CNTN4: variants seen among roughly 807,000 people sequenced by gnomAD.
The protein encoded by CNTN4 is contactin 4, also known as contactin-4.
Under a neutral mutation model 122.5 loss-of-function variants are expected in CNTN4, and 77 were observed. That is an observed-to-expected ratio of 0.63 (90% confidence interval 0.52 to 0.76). CNTN4 has a LOEUF of 0.76. CNTN4 is among the 30% of genes least tolerant of loss of function. CNTN4 has a pLI of 0.00. For missense variants in CNTN4, 1,256 were observed against 1,259.1 expected (o/e 1.00, Z 0.04); for synonymous variants, 512 against 447.0 (o/e 1.15, Z -1.83).
chr3:2,192,234 G>A (rs1382326949), intron 2 of CNTN4, among the ~76,000 whole-genome samples: 3 of 152,038 alleles, frequency 2.0e-5, no homozygotes, highest in Non-Finnish European at 4.4e-5. Flanking sequence ...TATTCCTTTG[G>A]GTGTATACCC....
rs547602375 is a variant in CNTN4 at position 2,413,350 on chromosome 3, A to G, written c.-89+74117A>G. Among the ~76,000 whole-genome samples the G allele has an allele frequency of 8.5e-5, 13 of 152,354 alleles. No homozygotes were observed. In the South Asian group the frequency reaches 2.3e-3, roughly 27 times the overall value. On this transcript the variant is annotated intron_variant, in intron 3 of 24. Transcript: ENST00000418658. The stretch of plus-strand genomic sequence containing the variant: ...CAGAATCCAGATATTACTGCTGTGA[A>G]TAACAAAAGAAAACTCAAATTTCTG...
At chr3:2,183,094 C>A (rs913845968) in intron 2 of CNTN4, among the ~76,000 whole-genome samples, 5 of 152,076 alleles carry the variant, frequency 3.3e-5, no homozygotes, top group Non-Finnish European at 7.4e-5. Flanking sequence ...TTTAGGAAAT[C>A]CTTGGATCTA....
At chr3:2,559,093 A>G (rs2078840657) in intron 3 of CNTN4, among the ~76,000 whole-genome samples, 1 of 152,186 alleles carries the variant, frequency 6.6e-6, no homozygotes, top group African/African-American at 2.4e-5. Context: ...CACTAACTAG[A>G]TGGATAACCA....
chr3:2,151,676 A>C (rs146150952), intron 2 of CNTN4, among the ~76,000 whole-genome samples: 1 of 152,316 alleles, frequency 6.6e-6, no homozygotes, highest in East Asian at 1.9e-4. Flanking sequence ...GGATTCATCC[A>C]CTCATGGATT....
chr3:2,291,411 C>G (rs2042129682), intron 2 of CNTN4, among the ~76,000 whole-genome samples: 2 of 152,158 alleles, frequency 1.3e-5, no homozygotes, highest in South Asian at 2.1e-4. Flanking sequence ...TGCAATTAGA[C>G]TAGCAGAGTC....
rs566710926 is a variant in CNTN4, at chr3:2,312,735, A to G, written c.-144-26443A>G. ...TGAAAAAAATAAACTTTTTTTTCCA[A>G]ATGTTGGAGAAACCAGTGTTTCCAG... On this transcript the variant is annotated intron_variant, in intron 2 of 24. Transcript: ENST00000418658. Among the ~76,000 whole-genome samples, 44 of 152,192 alleles carry G rather than the reference A, an allele frequency of 2.9e-4. 2 individuals are homozygous for G. In the South Asian group the frequency reaches 8.5e-3, roughly 29 times the overall value.
At chr3:2,354,085 T>C (rs1165964792) in intron 3 of CNTN4, among the ~76,000 whole-genome samples, 1 of 152,244 alleles carries the variant, frequency 6.6e-6, no homozygotes, top group African/African-American at 2.4e-5. Flanking sequence ...CTCTTCATCT[T>C]GTTGATTAAA....
intron 3 of CNTN4, among the ~76,000 whole-genome samples, chr3:2,538,811 A>T (rs1431182615): frequency 1.3e-5 from 2 of 151,888 alleles, no homozygotes; most frequent in African/African-American, 4.8e-5. Flanking sequence ...ACCAATGTGC[A>T]TGTATTTTAT....
chr3:2,494,427 C>T (rs1242622570), intron 3 of CNTN4, among the ~76,000 whole-genome samples: 1 of 152,156 alleles, frequency 6.6e-6, no homozygotes, highest in Non-Finnish European at 1.5e-5. Context: ...TAAGCTCTGA[C>T]TGAAGAGATG....
chr3:2,212,233 C>G (rs1045513591), intron 2 of CNTN4, among the ~76,000 whole-genome samples: 5 of 152,078 alleles, frequency 3.3e-5, no homozygotes, highest in African/African-American at 1.2e-4. Flanking sequence ...TCTCAGCCTC[C>G]CAAAGTGCTG....
At position 2,801,105 on chromosome 3, in the gene CNTN4, G is replaced by C. The variant is rs1374109172; in HGVS notation, c.359-18381G>C. On this transcript the variant is annotated intron_variant, in intron 6 of 24. Transcript: ENST00000418658. ...TCCTGCCTCACCTGATCAGATGTAA[G>C]TTCCACAAGGGCAGGAGTATTTGTC... 5.9e-5 allele frequency among the ~76,000 whole-genome samples: 9 copies of C among 152,160 alleles called. 1 individual carries two copies. Among genetic ancestry groups the C allele is most frequent in the African/African-American group, 1.7e-4 (7 of 41,438 alleles).
chr3:2,249,169 A>G (rs985420459), intron 2 of CNTN4, among the ~76,000 whole-genome samples: 4 of 151,884 alleles, frequency 2.6e-5, no homozygotes, highest in Non-Finnish European at 4.4e-5. Flanking sequence ...AACATTGTAG[A>G]TGGGCTTAAA....
chr3:2,778,712 C>T (rs1346698487), intron 6 of CNTN4, among the ~76,000 whole-genome samples: 2 of 152,186 alleles, frequency 1.3e-5, no homozygotes, highest in South Asian at 4.2e-4. Flanking sequence ...CATGAAATAA[C>T]CAATTCAGTG....
At chr3:2,250,768 A>C (rs945467720) in intron 2 of CNTN4, among the ~76,000 whole-genome samples, 1 of 151,904 alleles carries the variant, frequency 6.6e-6, no homozygotes, top group Non-Finnish European at 1.5e-5. Context: ...AAGAATGTGT[A>C]ATCTTAACAG....
chr3:2,555,910 T>C (rs1174722540), intron 3 of CNTN4, among the ~76,000 whole-genome samples: 2 of 152,146 alleles, frequency 1.3e-5, no homozygotes, highest in African/African-American at 4.8e-5. Flanking sequence ...GAAGCTGTTA[T>C]GAAGCTTTCC....
chr3:2,703,257 T>C (rs1305189690), intron 4 of CNTN4, among the ~76,000 whole-genome samples: 1 of 152,158 alleles, frequency 6.6e-6, no homozygotes, highest in African/African-American at 2.4e-5. Context: ...AGAGCTAAGA[T>C]TGAATGAATG....
intron 2 of CNTN4, among the ~76,000 whole-genome samples, chr3:2,268,407 A>T (rs1355140550): frequency 1.3e-5 from 2 of 151,872 alleles, no homozygotes; most frequent in East Asian, 3.9e-4. Flanking sequence ...CTGAAAAATT[A>T]CCAGGGGCAA....
chr3:2,767,066 A>C (rs1217515255), intron 6 of CNTN4, among the ~76,000 whole-genome samples: 2 of 152,250 alleles, frequency 1.3e-5, no homozygotes, highest in African/African-American at 4.8e-5. Flanking sequence ...ACATGGATTA[A>C]GTGAGATTAA....
chr3:2,957,539 A>G (rs2094812817), intron 13 of CNTN4, among the ~76,000 whole-genome samples: 1 of 152,104 alleles, frequency 6.6e-6, no homozygotes, highest in South Asian at 2.1e-4. Context: ...TGACCCCGTC[A>G]CGCATGTAGT....
Sources: gnomAD v4.1 joint callset for allele counts (sites outside exome capture counted in the v4.1 genomes callset) on GRCh38, gnomAD v4.1.1 for gene constraint, MANE v1.5 for transcripts, NCBI Gene and HGNC (gene_info 2026-07-23, HGNC 2026-07-21) for gene names.